The following ZBTB16 variants were observed in gnomAD, a reference collection of about 807,000 sequenced individuals.
ZBTB16 encodes the protein zinc finger and BTB domain containing 16.
Under a neutral mutation model 56.8 loss-of-function variants are expected in ZBTB16, and 8 were observed. The observed-to-expected ratio is 0.14, with a 90% CI of 0.08 to 0.25. The LOEUF (loss-of-function observed/expected upper bound fraction) is 0.25. Ranked by LOEUF, ZBTB16 falls within the 10% of genes least tolerant of loss-of-function variation. ZBTB16 has a pLI of 1.00. For missense variants in ZBTB16, 625 were observed against 903.0 expected (o/e 0.69, Z 3.95); for synonymous variants, 363 against 368.5 (o/e 0.98, Z 0.17).
In ZBTB16 at chr11:114,060,120, T is replaced by G; in HGVS notation, c.-91+238T>G. The G allele has an allele frequency of 2.2e-5, 5 of 223,666 alleles. No homozygotes were observed. The highest frequency in any genetic ancestry group is 3.5e-5 in the Non-Finnish European group (4 of 114,584). The allele number at this position is 223,666 out of a possible 1,614,324, so 13.9% of individuals were successfully genotyped here. A position where few individuals can be genotyped will look rare whatever the true frequency, so the allele number is the denominator to read the frequency against. ...CTGGGCGCAGCTGCCTCCCCAGCCC[T>G]TCCTCTTCAGGGCACGGTCGGGGTG... On this transcript the variant is annotated intron_variant, in intron 1 of 6. Transcript: ENST00000335953. The surrounding 1 kb of genome is among the most constrained non-coding windows in gnomAD (Gnocchi z 6.0).
intron 5 of ZBTB16, among the ~76,000 whole-genome samples, chr11:114,244,966 A>C (rs1047292497): frequency 1.3e-5 from 2 of 152,034 alleles, no homozygotes; most frequent in Non-Finnish European, 2.9e-5. Flanking sequence ...TTTATACCTT[A>C]ATGAGGATAC....
At chr11:114,175,106 A>G (rs1404919607) in intron 3 of ZBTB16, among the ~76,000 whole-genome samples, 2 of 152,244 alleles carry the variant, frequency 1.3e-5, no homozygotes, top group Admixed American at 6.5e-5. Flanking sequence ...CAGGACTTCA[A>G]AGTTGCACAA....
Position 114,076,808 on chromosome 11 carries a change from C to A in ZBTB16, c.1268+12240C>A, listed in dbSNP as rs187769189. On this transcript the variant is annotated intron_variant, in intron 2 of 6. Transcript: ENST00000335953. ...GGCCCATGTGCCTGGCCCCTTTCCT[C>A]ACTTTCTAGCACAATGGTTTTCATT... 1.9e-3 allele frequency among the ~76,000 whole-genome samples: 283 copies of A among 152,288 alleles called. 9 individuals are homozygous for A. Among genetic ancestry groups the A allele is most frequent in the Admixed American group, 0.018 (281 of 15,292 alleles).
chr11:114,194,312 A>G (rs974464175), intron 4 of ZBTB16, among the ~76,000 whole-genome samples: 3 of 152,216 alleles, frequency 2.0e-5, no homozygotes, highest in South Asian at 2.1e-4. Flanking sequence ...ACTATTTCCA[A>G]TTCCAGCCTA....
At position 114,139,619 on chromosome 11, in the gene ZBTB16, C is replaced by T. The variant is rs528275282; in HGVS notation, c.1269-16718C>T. Among the ~76,000 whole-genome samples, 20 of 122,150 alleles carry T rather than the reference C, an allele frequency of 1.6e-4. No individual in the cohort carries two copies. In the South Asian group the frequency reaches 1.7e-3, roughly 10 times the overall value. 80.1% of individuals were successfully genotyped at this position (122,150 alleles called of 152,430 possible). A position where few individuals can be genotyped will look rare whatever the true frequency, so the allele number is the denominator to read the frequency against. On this transcript the variant is annotated intron_variant, in intron 2 of 6. Transcript: ENST00000335953. ...GATGGCGTGTGTGGGTATGTGCCCG[C>T]GGTCCACGTGTGTGTGTGTGTGTGT...
At chr11:114,120,940 A>G (rs1184451544) in intron 2 of ZBTB16, among the ~76,000 whole-genome samples, 1 of 152,176 alleles carries the variant, frequency 6.6e-6, no homozygotes, top group African/African-American at 2.4e-5. Flanking sequence ...TGGCCGCTTC[A>G]AGATGGTGCC....
chr11:114,137,600 A>C (rs772916433), intron 2 of ZBTB16, among the ~76,000 whole-genome samples: 2 of 152,098 alleles, frequency 1.3e-5, no homozygotes, highest in Non-Finnish European at 2.9e-5. Context: ...TTGTGGAGAG[A>C]GGCCCGGAGG....
chr11:114,088,430 C>T (rs1392681859), intron 2 of ZBTB16, among the ~76,000 whole-genome samples: 2 of 152,194 alleles, frequency 1.3e-5, no homozygotes. Context: ...GTGTGAGTCA[C>T]TGTGCCCGGC....
intron 6 of ZBTB16, among the ~76,000 whole-genome samples, chr11:114,248,100 A>G (rs997082740): frequency 6.6e-6 from 1 of 152,042 alleles, no homozygotes; most frequent in Non-Finnish European, 1.5e-5. Context: ...GGGTTTTGCC[A>G]TGTTGGTCAG....
intron 2 of ZBTB16, among the ~76,000 whole-genome samples, chr11:114,118,657 G>C (rs1187072731): frequency 6.6e-6 from 1 of 152,162 alleles, no homozygotes; most frequent in African/African-American, 2.4e-5. Flanking sequence ...TATCTTTCCT[G>C]AGGACACTTA....
intron 2 of ZBTB16, among the ~76,000 whole-genome samples, chr11:114,098,541 TA>T (rs5794903): frequency 0.67 from 95,948 of 143,956 alleles, 34,505 homozygotes; most frequent in East Asian, 0.9. Context: ...TGACTTAAAT[TA>T]AAAAAAAAAA....
rs965123588 is a variant in ZBTB16, at chr11:114,252,307, C to T, written c.*1752C>T. On this transcript the variant is annotated 3_prime_UTR_variant, in exon 7 of 7. Transcript: ENST00000335953. ...TTGAGGGCCTGTGTTTGGATCCTTG[C>T]AACTGTGTGGTCTCACCTCTGTGCG... 2.0e-5 allele frequency among the ~76,000 whole-genome samples: 3 copies of T among 149,246 alleles called. No homozygotes were observed. Among genetic ancestry groups the T allele is most frequent in the African/African-American group, 7.4e-5 (3 of 40,278 alleles).
At chr11:114,151,600 G>T (rs1287037870) in intron 2 of ZBTB16, among the ~76,000 whole-genome samples, 1 of 152,170 alleles carries the variant, frequency 6.6e-6, no homozygotes, top group Non-Finnish European at 1.5e-5. Context: ...AACCTTCCCT[G>T]CCTGTTGGTC....
chr11:114,112,769 T>TC (rs1482023040), intron 2 of ZBTB16, among the ~76,000 whole-genome samples: 1 of 150,522 alleles, frequency 6.6e-6, no homozygotes, highest in South Asian at 2.1e-4. Context: ...TCTTTTTTTT[T>TC]TTTTTTTTTT....
intron 6 of ZBTB16, among the ~76,000 whole-genome samples, chr11:114,248,055 G>A (rs1251492630): frequency 1.1e-4 from 17 of 152,074 alleles, no homozygotes; most frequent in African/African-American, 3.6e-4. Flanking sequence ...GTGCCACCAC[G>A]CCCAGCTAAT....
intron 3 of ZBTB16, among the ~76,000 whole-genome samples, chr11:114,182,461 G>A (rs1017276394): frequency 6.6e-6 from 1 of 152,082 alleles, no homozygotes; most frequent in African/African-American, 2.4e-5. Context: ...CTCCCTGAGG[G>A]CAGGGATTTC....
In ZBTB16 at chr11:114,251,530, G is replaced by A; in HGVS notation, c.*975G>A. On this transcript the variant is annotated 3_prime_UTR_variant, in exon 7 of 7. Coordinates refer to ENST00000335953, the MANE Select transcript of ZBTB16 (RefSeq NM_006006.6). ...GAGAAGGAATCCATGAATGGGCTGA[G>A]GTTCCGAGGGTAGGTTGTGGATGTC... Among the ~76,000 whole-genome samples, 1 of 152,218 alleles carries A rather than the reference G, an allele frequency of 6.6e-6. No homozygotes were observed. Among genetic ancestry groups the A allele is most frequent in the East Asian group, 1.9e-4 (1 of 5,196 alleles).
At chr11:114,155,512 C>A (rs182036450) in intron 2 of ZBTB16, among the ~76,000 whole-genome samples, 1 of 152,146 alleles carries the variant, frequency 6.6e-6, no homozygotes, top group Non-Finnish European at 1.5e-5. Context: ...GGGCCTGTGA[C>A]CGGTTGTTAC....
At chr11:114,178,293 A>T (rs142599452) in intron 3 of ZBTB16, among the ~76,000 whole-genome samples, 5 of 152,316 alleles carry the variant, frequency 3.3e-5, no homozygotes, top group African/African-American at 1.2e-4. Flanking sequence ...CTATTATTGT[A>T]TGCCAGACAG....
Sources: gnomAD v4.1 joint callset for allele counts (sites outside exome capture counted in the v4.1 genomes callset) on GRCh38, gnomAD v4.1.1 for gene constraint, Gnocchi (gnomAD v3.1) non-coding constraint, MANE v1.5 for transcripts, NCBI Gene and HGNC (gene_info 2026-07-23, HGNC 2026-07-21) for gene names.